ANO2: variants seen among roughly 807,000 people sequenced by gnomAD.
The protein encoded by ANO2 is anoctamin 2, also known as anoctamin-2.
In ANO2, 101 loss-of-function variants were observed where a neutral mutation model predicts 124.2. The observed-to-expected ratio is 0.81, with a 90% CI of 0.69 to 0.96. The LOEUF is 0.96. Among genes scored for constraint, ANO2 ranks in the 40% least tolerant of loss-of-function variants. The pLI, the probability that ANO2 is intolerant of heterozygous loss-of-function variation, is 0.00. For missense variants in ANO2, 1,293 were observed against 1,274.5 expected (o/e 1.01, Z -0.22); for synonymous variants, 486 against 482.5 (o/e 1.01, Z -0.09).
intron 11 of ANO2, among the ~76,000 whole-genome samples, chr12:5,746,316 C>G (rs1018699206): frequency 1.3e-5 from 2 of 152,190 alleles, no homozygotes; most frequent in African/African-American, 2.4e-5. Context: ...TGGCAGCCAC[C>G]ATGGTATGGA....
intron 4 of ANO2, among the ~76,000 whole-genome samples, chr12:5,833,957 T>C (rs1005000607): frequency 6.6e-6 from 1 of 151,916 alleles, no homozygotes; most frequent in African/African-American, 2.4e-5. Context: ...AATCACACCA[T>C]AAGAAGTCTA....
chr12:5,757,801 T>C (rs544610519), intron 10 of ANO2, among the ~76,000 whole-genome samples: 4 of 152,340 alleles, frequency 2.6e-5, no homozygotes, highest in Admixed American at 2.0e-4. Context: ...TAGTTTTACA[T>C]TTGACAGAGA....
At chr12:5,893,685 C>T (rs1317904886) in intron 3 of ANO2, among the ~76,000 whole-genome samples, 2 of 151,874 alleles carry the variant, frequency 1.3e-5, no homozygotes, top group Non-Finnish European at 2.9e-5. Flanking sequence ...GTTCCCCTCC[C>T]TGTGCCCATG....
rs971856623 is a variant in ANO2 at position 5,900,782 on chromosome 12, A to G, written c.534+20258T>C. ...TGGTGCTCAGTCACTTCATCTGCTG[A>G]GTATTTAATTAGAACTGGTGATGGC... On this transcript the variant is annotated intron_variant, in intron 3 of 24. Transcript: ENST00000682330. The surrounding 1 kb of genome is among the most constrained non-coding windows in gnomAD (Gnocchi z 4.2). Among the ~76,000 whole-genome samples, 3 of 152,172 alleles carry G rather than the reference A, an allele frequency of 2.0e-5. No individual in the cohort carries two copies. Among genetic ancestry groups the G allele is most frequent in the Non-Finnish European group, 4.4e-5 (3 of 68,030 alleles).
At position 5,791,013 on chromosome 12, in the gene ANO2, C is replaced by T. The variant is rs147617668; in HGVS notation, c.1055+8494G>A. Among the ~76,000 whole-genome samples the T allele has an allele frequency of 9.3e-3, 1,423 of 152,244 alleles. 18 individuals carry two copies. Among genetic ancestry groups the T allele is most frequent in the Non-Finnish European group, 0.014 (956 of 68,016 alleles). ...CCTCACTCTAGTCCCATCGCTGAGG[C>T]CCCTTGAACTTCAGTAACATCATTT... is the stretch of plus-strand genomic sequence containing the variant. On this transcript the variant is annotated intron_variant, in intron 10 of 24. Transcript: ENST00000682330.
chr12:5,599,437 C>T (rs1943820008), intron 20 of ANO2, 47 bp downstream of exon 20: 17 of 1,567,200 alleles, frequency 1.1e-5, no homozygotes, highest in Middle Eastern at 1.7e-4. Context: ...CCACAGACCC[C>T]TTGTCTGAAC....
At chr12:5,683,380 C>T (rs905715013) in intron 14 of ANO2, among the ~76,000 whole-genome samples, 3 of 152,118 alleles carry the variant, frequency 2.0e-5, no homozygotes, top group African/African-American at 2.4e-5. Context: ...CAAGGAAATG[C>T]AATGTACACC....
At chr12:5,907,652 T>G (rs1256316898) in intron 3 of ANO2, among the ~76,000 whole-genome samples, 1 of 151,936 alleles carries the variant, frequency 6.6e-6, no homozygotes, top group African/African-American at 2.4e-5. Flanking sequence ...AAAAGGAAAA[T>G]TGAAGCACAA....
intron 12 of ANO2, among the ~76,000 whole-genome samples, chr12:5,741,418 G>C (rs186065339): frequency 6.6e-6 from 1 of 152,136 alleles, no homozygotes; most frequent in Non-Finnish European, 1.5e-5. Context: ...GGCCTTTCTC[G>C]AGTGGGTGTA....
At chr12:5,639,749 A>T (rs55745545) in intron 15 of ANO2, among the ~76,000 whole-genome samples, 1 of 152,134 alleles carries the variant, frequency 6.6e-6, no homozygotes, top group Non-Finnish European at 1.5e-5. Context: ...ACACCTCAGG[A>T]GATGGGAAGC....
chr12:5,610,723 C>CATAT (rs377499491), intron 19 of ANO2, among the ~76,000 whole-genome samples: 28,044 of 116,726 alleles, frequency 0.24, 4,124 homozygotes, highest in Admixed American at 0.35. Flanking sequence ...CACATATATA[C>CATAT]ATATATATAT....
rs915797470 is a variant in ANO2, at chr12:5,636,680, G to A, written c.1621-1333C>T. Among the ~76,000 whole-genome samples the A allele has an allele frequency of 1.3e-5, 2 of 151,314 alleles. No homozygotes were observed. Among genetic ancestry groups the A allele is most frequent in the South Asian group, 4.2e-4 (2 of 4,742 alleles). Reference sequence around the variant, plus strand: ...CACAGGGAGGGAGGCAGGAAGGAGGGGGTAAGAGGAGGGGAGGAGAGGCAC... The same window carrying A: ...CACAGGGAGGGAGGCAGGAAGGAGGAGGTAAGAGGAGGGGAGGAGAGGCAC... On this transcript the variant is annotated intron_variant, in intron 15 of 24. Transcript: ENST00000682330. The surrounding 1 kb of genome is among the most constrained non-coding windows in gnomAD (Gnocchi z 4.6).
intron 6 of ANO2, among the ~76,000 whole-genome samples, chr12:5,829,216 C>T (rs192312984): frequency 7.9e-5 from 12 of 152,282 alleles, no homozygotes; most frequent in Non-Finnish European, 1.6e-4. Context: ...TATTATTTTA[C>T]GAGTACTTTG....
intron 10 of ANO2, among the ~76,000 whole-genome samples, chr12:5,778,536 C>T (rs1369630162): frequency 1.3e-5 from 2 of 152,226 alleles, no homozygotes; most frequent in Admixed American, 1.3e-4. Context: ...CACTTCCCCA[C>T]ATCTAACATA....
At chr12:5,868,511 G>A (rs1184129658) in intron 3 of ANO2, among the ~76,000 whole-genome samples, 1 of 152,206 alleles carries the variant, frequency 6.6e-6, no homozygotes, top group Non-Finnish European at 1.5e-5. Flanking sequence ...CTAGCACAAT[G>A]TCTGGCACAT....
chr12:5,875,772 G>A (rs1353009712), intron 3 of ANO2, among the ~76,000 whole-genome samples: 1 of 151,782 alleles, frequency 6.6e-6, no homozygotes, highest in African/African-American at 2.4e-5. Flanking sequence ...ACTGCAGTGA[G>A]CAGCACAACG....
At chr12:5,577,580 G>C (rs536327561) in intron 22 of ANO2, among the ~76,000 whole-genome samples, 5 of 152,316 alleles carry the variant, frequency 3.3e-5, no homozygotes, top group Admixed American at 3.3e-4. Flanking sequence ...ATTGTAGCCT[G>C]GGCAATGCTC....
intron 3 of ANO2, among the ~76,000 whole-genome samples, chr12:5,902,621 G>A (rs1446228649): frequency 1.3e-3 from 6 of 4,468 alleles, no homozygotes; most frequent in African/African-American, 3.1e-3. Flanking sequence ...TGGGAGGGGA[G>A]GGGAGGGGAG....
intron 14 of ANO2, 107 bp from the exon 15 acceptor site, chr12:5,647,908 T>C (rs2136956278): frequency 2.5e-6 from 2 of 815,882 alleles, no homozygotes; most frequent in South Asian, 1.5e-5. Context: ...TCACTCTATA[T>C]AGATATATTT....
Sources: allele counts gnomAD v4.1 joint callset (sites outside exome capture counted in the v4.1 genomes callset), GRCh38; gene constraint gnomAD v4.1.1; non-coding constraint Gnocchi (gnomAD v3.1); transcripts MANE v1.5; gene names NCBI Gene and HGNC (gene_info 2026-07-23, HGNC 2026-07-21).